COL9A2: variants seen among roughly 807,000 people sequenced by gnomAD.
COL9A2 encodes the protein collagen type IX alpha 2 chain.
In COL9A2, 66 loss-of-function variants were observed where a neutral mutation model predicts 111.6. That is an observed-to-expected ratio of 0.59 (90% CI 0.48 to 0.73). The LOEUF is 0.73. Ranked by LOEUF, COL9A2 falls within the 30% of genes least tolerant of loss-of-function variation. The pLI is 0.00. For missense variants in COL9A2, 881 were observed against 954.1 expected (o/e 0.92, Z 1.01); for synonymous variants, 353 against 364.1 (o/e 0.97, Z 0.35).
intron 30 of COL9A2, 76 bp from the exon 31 acceptor site, chr1:40,301,965 C>A: frequency 7.1e-7 from 1 of 1,410,114 alleles, no homozygotes; most frequent in Non-Finnish European, 9.8e-7. Flanking sequence ...ATGTTTCACG[C>A]AAAGAAATTA....
At position 40,301,350 on chromosome 1, in the gene COL9A2, G is replaced by A. The variant is rs781428852; in HGVS notation, c.1902C>T (p.Asn634=). The A allele has an allele frequency of 7.5e-5, 121 of 1,609,090 alleles. No homozygotes were observed. The highest frequency in any genetic ancestry group is 1.7e-4 in the Middle Eastern group (1 of 6,040). ...GLPGRPGQAI[N]GKDGDRGSPG... is the part of the protein sequence containing the mutation. ...GGGACCCTCGATCTCCATCCTTGCC[G>A]TTGATTGCCTGGCCAGGCCGGCCAG... Residue 634 remains asparagine (N), a synonymous_variant, in exon 32 of 32, where the codon AAC becomes AAT. Transcript: ENST00000372748.
chr1:40,304,502 C>T lies in COL9A2; in HGVS notation c.1189G>A (p.Gly397Arg). 1.2e-6 allele frequency: 2 copies of T among 1,614,186 alleles called. No homozygotes were observed. Among genetic ancestry groups the T allele is most frequent in the Non-Finnish European group, 1.7e-6 (2 of 1,180,028 alleles). ...KGDQGERGPV[G>R]QPGPQGRQGP... ...TGCCTTCCCTGAGGGCCTGGTTGCC[C>T]CACTGGACCCCTCTCGCCTTGGTCA... Residue 397 changes from glycine (G) to arginine (R), a missense_variant, in exon 23 of 32, where the codon GGG becomes AGG. By Grantham distance (125) the Gly-to-Arg change is moderately radical. Coordinates refer to ENST00000372748, the MANE Select transcript of COL9A2 (RefSeq NM_001852.4).
chr1:40,317,251 CAG>C lies in COL9A2; in HGVS notation c.-56_-55del, dbSNP rs914417267. The C allele has an allele frequency of 1.1e-4, 156 of 1,376,874 alleles. No individual in the cohort carries two copies. In the Middle Eastern group the frequency reaches 1.3e-3, roughly 11 times the overall value. 85.3% of individuals were successfully genotyped at this position (1,376,874 alleles called of 1,614,324 possible). ...TGCGTGTCCGCGCACGCACCGACGG[CAG>C]AGTCTCCCGGCGCTCCTCCAGCGCT... is the stretch of plus-strand genomic sequence containing the variant. On this transcript the variant is annotated 5_prime_UTR_variant, in exon 1 of 32. Coordinates refer to ENST00000372748, the MANE Select transcript of COL9A2 (RefSeq NM_001852.4). The surrounding 1 kb of genome is among the most constrained non-coding windows in gnomAD (Gnocchi z 4.3).
Position 40,302,894 on chromosome 1 carries a change from G to A in COL9A2, c.1604-85C>T, listed in dbSNP as rs1053560288. Reference sequence around the variant, plus strand: ...ACTAGGGGAGGCAGAGCATTCCGATGGGCCCTGGCCCCTAGGTTTGCAGAC... The same window carrying A: ...ACTAGGGGAGGCAGAGCATTCCGATAGGCCCTGGCCCCTAGGTTTGCAGAC... On this transcript the variant is annotated intron_variant, in intron 29 of 31. Transcript: ENST00000372748. This position sits in a 1 kb window ranked among gnomAD's most constrained non-coding sequence, Gnocchi z 4.5. The A allele has an allele frequency of 3.2e-5, 44 of 1,382,628 alleles. No homozygotes were observed. The highest frequency in any genetic ancestry group is 4.4e-5 in the Non-Finnish European group (44 of 1,005,032). 85.6% of individuals were successfully genotyped at this position (1,382,628 alleles called of 1,614,324 possible).
In COL9A2 at chr1:40,303,946, G is replaced by C. The variant is rs1429190849; in HGVS notation, c.1350C>G (p.Pro450=). Residue 450 remains proline (P), a synonymous_variant, in exon 26 of 32, where the codon CCC becomes CCG. Coordinates refer to ENST00000372748, the MANE Select transcript of COL9A2 (RefSeq NM_001852.4). This position sits in a 1 kb window ranked among gnomAD's most constrained non-coding sequence, Gnocchi z 4.6. ...KVGDPGVAGL[P]GEKGEKGESG... ...CGCTCACCTTCTCGCCTTTCTCTCC[G>C]GGGAGGCCGGCCACCCCTGGGTCAC... The C allele has an allele frequency of 5.8e-6, 9 of 1,560,022 alleles. No homozygotes were observed. The highest frequency in any genetic ancestry group is 1.2e-5 in the South Asian group (1 of 84,774).
chr1:40,312,117 G>A lies in COL9A2; in HGVS notation c.364-5C>T, dbSNP rs1357752258. On this transcript the variant is annotated splice_polypyrimidine_tract_variant and splice_region_variant and intron_variant, in intron 7 of 31. Transcript: ENST00000372748. The surrounding 1 kb of genome is among the most constrained non-coding windows in gnomAD (Gnocchi z 6.0). ...GCCAACAGGTCCAGGAGGCCCCTGGGGAGCAGAGAGTTGATGGTCAGGATG... is the reference window on the plus strand; with the variant it reads ...GCCAACAGGTCCAGGAGGCCCCTGGAGAGCAGAGAGTTGATGGTCAGGATG... The A allele has an allele frequency of 1.9e-6, 3 of 1,599,454 alleles. No homozygotes were observed. Among genetic ancestry groups the A allele is most frequent in the Non-Finnish European group, 2.6e-6 (3 of 1,174,780 alleles).
In COL9A2 at chr1:40,314,455, C is replaced by T; in HGVS notation, c.151-68G>A. On this transcript the variant is annotated intron_variant, in intron 2 of 31. Transcript: ENST00000372748. This position sits in a 1 kb window ranked among gnomAD's most constrained non-coding sequence, Gnocchi z 4.1. Reference sequence around the variant, plus strand: ...CTACCCCAAGTGGGCACACACAGGCCCTGGCAGGCCGCTCCCAAAGGCTCT... The same window carrying T: ...CTACCCCAAGTGGGCACACACAGGCTCTGGCAGGCCGCTCCCAAAGGCTCT... The T allele has an allele frequency of 1.3e-6, 2 of 1,592,738 alleles. No homozygotes were observed. The highest frequency in any genetic ancestry group is 1.7e-6 in the Non-Finnish European group (2 of 1,160,672).
intron 31 of COL9A2, 130 bp from the exon 32 acceptor site, chr1:40,301,511 A>G: frequency 1.3e-6 from 1 of 779,384 alleles, no homozygotes; most frequent in Non-Finnish European, 2.1e-6. Flanking sequence ...TCTGCCCCAG[A>G]GGCAGAGATT....
chr1:40,304,773 G>T (rs1307384432), intron 22 of COL9A2, 21 bp downstream of exon 22: 2 of 1,547,396 alleles, frequency 1.3e-6, no homozygotes, highest in South Asian at 1.2e-5. Context: ...CCGGGGAGGG[G>T]CCATTGTGCC....
intron 1 of COL9A2, 145 bp from the exon 2 acceptor site, chr1:40,315,809 G>C (rs991207669): frequency 1.7e-6 from 1 of 591,534 alleles, no homozygotes; most frequent in Non-Finnish European, 3.1e-6. Context: ...CTGTATAGCA[G>C]GCACTGTGTG....
chr1:40,312,211 A>AATT lies in COL9A2; in HGVS notation c.364-100_364-99insAAT. ...ACCCAAAGCCCGTTTCTCCACTTTT[A>AATT]CTTTTTTTTTTTTTTTGCCAACCCC... On this transcript the variant is annotated intron_variant, in intron 7 of 31. Transcript: ENST00000372748. The surrounding 1 kb of genome is among the most constrained non-coding windows in gnomAD (Gnocchi z 6.0). 1.8e-6 allele frequency: 2 copies of AATT among 1,086,550 alleles called. No individual in the cohort carries two copies. The highest frequency in any genetic ancestry group is 2.6e-6 in the Non-Finnish European group (2 of 772,160). The allele number at this position is 1,086,550 out of a possible 1,614,324, so 67.3% of individuals were successfully genotyped here.
At chr1:40,315,119 AC>A (rs1477280398) in intron 2 of COL9A2, 1 of 662,464 alleles carries the variant, frequency 1.5e-6, no homozygotes, top group African/African-American at 2.0e-5. Context: ...GAGGTATTTA[AC>A]CCTCACCCTG....
At position 40,303,307 on chromosome 1, in the gene COL9A2, G is replaced by T; in HGVS notation, c.1549-122C>A. 1 of 1,191,936 alleles carries T rather than the reference G, an allele frequency of 8.4e-7. No individual in the cohort carries two copies. The highest frequency in any genetic ancestry group is 1.2e-6 in the Non-Finnish European group (1 of 827,080). The allele number at this position is 1,191,936 out of a possible 1,614,324, so 73.8% of individuals were successfully genotyped here. A position where few individuals can be genotyped will look rare whatever the true frequency, so the allele number is the denominator to read the frequency against. The stretch of plus-strand genomic sequence containing the variant: ...CTGGTGTTGAGTCATTAATTCCCAA[G>T]CTGAGGAACAGATTGTACCTGGGCA... On this transcript the variant is annotated intron_variant, in intron 28 of 31. Coordinates refer to ENST00000372748, the MANE Select transcript of COL9A2 (RefSeq NM_001852.4). This position sits in a 1 kb window ranked among gnomAD's most constrained non-coding sequence, Gnocchi z 4.6.
At position 40,304,663 on chromosome 1, in the gene COL9A2, G is replaced by A. The variant is rs962521646; in HGVS notation, c.1161+131C>T. The A allele has an allele frequency of 8.7e-6, 12 of 1,387,100 alleles. No homozygotes were observed. In the African/African-American group the frequency reaches 1.7e-4, roughly 20 times the overall value. The allele number at this position is 1,387,100 out of a possible 1,614,324, so 85.9% of individuals were successfully genotyped here. ...TGGCAGGGGGTCCTTTCTCCACTTG[G>A]CAGACCAGCAAAGCAAACCTAGGCC... is the stretch of plus-strand genomic sequence containing the variant. On this transcript the variant is annotated intron_variant, in intron 22 of 31. Transcript: ENST00000372748.
rs559338726 is a variant in COL9A2, at chr1:40,311,825, C to G, written c.418-110G>C. 17 of 1,211,766 alleles carry G rather than the reference C, an allele frequency of 1.4e-5. No homozygotes were observed. The highest frequency in any genetic ancestry group is 1.2e-6 in the Non-Finnish European group (1 of 820,636). 75.1% of individuals were successfully genotyped at this position (1,211,766 alleles called of 1,614,324 possible). A position where few individuals can be genotyped will look rare whatever the true frequency, so the allele number is the denominator to read the frequency against. On this transcript the variant is annotated intron_variant, in intron 8 of 31. Coordinates refer to ENST00000372748, the MANE Select transcript of COL9A2 (RefSeq NM_001852.4). This position sits in a 1 kb window ranked among gnomAD's most constrained non-coding sequence, Gnocchi z 5.1. ...CCTCTCCACCCTGTCTTCCCGGTCA[C>G]TTTGTGAGATCCACCATCTTGGGAG...
Position 40,304,819 on chromosome 1 carries a change from C to T in COL9A2, c.1136G>A (p.Gly379Asp). 6.4e-7 allele frequency: 1 copy of T among 1,550,890 alleles called. No homozygotes were observed. The highest frequency in any genetic ancestry group is 8.7e-7 in the Non-Finnish European group (1 of 1,146,958). Residue 379 changes from glycine to aspartate, a missense_variant, in exon 22 of 32, where the codon GGT becomes GAT. Gly to Asp is a moderately conservative substitution (Grantham distance 94). Coordinates refer to ENST00000372748, the MANE Select transcript of COL9A2 (RefSeq NM_001852.4). ...CTTCTGTCCCATGATGCCCTGGGGACCAATTTCTCCTCGAGGCCCTGGCTC... is the reference window on the plus strand; with the variant it reads ...CTTCTGTCCCATGATGCCCTGGGGATCAATTTCTCCTCGAGGCCCTGGCTC... ...EGEPGPRGEI[G>D]PQGIMGQKGD...
At position 40,314,680 on chromosome 1, in the gene COL9A2, A is replaced by G. The variant is rs957990705; in HGVS notation, c.151-293T>C. Among the ~76,000 whole-genome samples the G allele has an allele frequency of 6.6e-6, 1 of 152,126 alleles. No individual in the cohort carries two copies. The highest frequency in any genetic ancestry group is 2.4e-5 in the African/African-American group (1 of 41,424). On this transcript the variant is annotated intron_variant, in intron 2 of 31. Coordinates refer to ENST00000372748, the MANE Select transcript of COL9A2 (RefSeq NM_001852.4). The surrounding 1 kb of genome is among the most constrained non-coding windows in gnomAD (Gnocchi z 4.1). ...TGAGGTGCCAGCTGTGAGACCCACT[A>G]CCAGGGCTGGGGGCTCCAAGCTGAT...
In COL9A2 at chr1:40,303,067, G is replaced by C; in HGVS notation, c.1603+64C>G. ...AGACAAGTGAACACGTGGAGGCTCC[G>C]GGAGGGGGTGAGGGGGCGGCGATGC... On this transcript the variant is annotated intron_variant, in intron 29 of 31. Transcript: ENST00000372748. The surrounding 1 kb of genome is among the most constrained non-coding windows in gnomAD (Gnocchi z 4.6). 2.0e-6 allele frequency: 3 copies of C among 1,528,514 alleles called. No individual in the cohort carries two copies. Among genetic ancestry groups the C allele is most frequent in the Non-Finnish European group, 2.7e-6 (3 of 1,116,982 alleles). 94.7% of individuals were successfully genotyped at this position (1,528,514 alleles called of 1,614,324 possible).
chr1:40,312,547 C>T lies in COL9A2; in HGVS notation c.339+27G>A. Reference sequence around the variant, plus strand: ...CAGGTCCCCTCTCCCCCAAGAGTCCCTCGAAGCCCTTGCAGGTTGTACTCA... The same window carrying T: ...CAGGTCCCCTCTCCCCCAAGAGTCCTTCGAAGCCCTTGCAGGTTGTACTCA... On this transcript the variant is annotated intron_variant, in intron 6 of 31. Coordinates refer to ENST00000372748, the MANE Select transcript of COL9A2 (RefSeq NM_001852.4). The surrounding 1 kb of genome is among the most constrained non-coding windows in gnomAD (Gnocchi z 6.0). The T allele has an allele frequency of 1.2e-6, 2 of 1,614,046 alleles. No individual in the cohort carries two copies. The highest frequency in any genetic ancestry group is 1.7e-6 in the Non-Finnish European group (2 of 1,179,980).
Sources: gnomAD v4.1 joint callset for allele counts (sites outside exome capture counted in the v4.1 genomes callset) on GRCh38, gnomAD v4.1.1 for gene constraint, Gnocchi (gnomAD v3.1) non-coding constraint, MANE v1.5 for transcripts, NCBI Gene and HGNC (gene_info 2026-07-23, HGNC 2026-07-21) for gene names.